CWC22: variants seen among roughly 807,000 people sequenced by gnomAD.
CWC22 encodes pre-mRNA-splicing factor CWC22 homolog.
In CWC22, 53 loss-of-function variants were observed where a neutral mutation model predicts 117.2. That is an observed-to-expected ratio of 0.45 (90% CI 0.36 to 0.57). CWC22 has a LOEUF of 0.57. Among genes scored for constraint, CWC22 ranks in the 20% least tolerant of loss-of-function variants. CWC22 has a pLI of 0.00. For missense variants in CWC22, 980 were observed against 1,068.8 expected (o/e 0.92, Z 1.16); for synonymous variants, 360 against 355.6 (o/e 1.01, Z -0.14).
chr2:179,975,648 T>C (rs1174543710), intron 6 of CWC22, among the ~76,000 whole-genome samples: 3 of 151,884 alleles, frequency 2.0e-5, no homozygotes, highest in African/African-American at 4.8e-5. Context: ...ACTATCTTTC[T>C]GAAAAATCAA....
intron 3 of CWC22, among the ~76,000 whole-genome samples, chr2:179,987,101 G>C (rs1687438121): frequency 6.6e-6 from 1 of 152,108 alleles, no homozygotes; most frequent in Admixed American, 6.5e-5. Context: ...ATCATATATA[G>C]TTAGCATGAA....
intron 6 of CWC22, among the ~76,000 whole-genome samples, chr2:179,974,965 T>C (rs1338006121): frequency 6.6e-6 from 1 of 152,160 alleles, no homozygotes; most frequent in African/African-American, 2.4e-5. Flanking sequence ...CCCAGGCAAC[T>C]CCTGGACTCA....
chr2:179,988,628 T>C lies in CWC22; in HGVS notation c.44A>G (p.Asp15Gly). The C allele has an allele frequency of 6.6e-7, 1 of 1,517,256 alleles. No homozygotes were observed. The highest frequency in any genetic ancestry group is 8.9e-7 in the Non-Finnish European group (1 of 1,124,768). The allele number at this position is 1,517,256 out of a possible 1,614,324, so 94.0% of individuals were successfully genotyped here. Residue 15 changes from aspartate (D) to glycine (G), a missense_variant, in exon 3 of 20, where the codon GAC (aspartate) becomes GGC (glycine). Transcript: ENST00000410053. ...ATATGAATTAAGGTTTTCCCTTCTG[T>C]CATGACCAGAAGAAGGCTTTAAAAG... ...VAQIKPSSGH[D>G]RRENLNSYQR... is the part of the protein sequence containing the mutation.
rs1358170392 is a variant in CWC22 at position 179,973,238 on chromosome 2, G to A, written c.759C>T (p.Cys253=). The A allele has an allele frequency of 1.3e-6, 2 of 1,598,670 alleles. No individual in the cohort carries two copies. The highest frequency in any genetic ancestry group is 1.7e-6 in the Non-Finnish European group (2 of 1,171,512). The change falls in exon 8 of 20, where the codon TGC becomes TGT. Residue 253 remains cysteine (C), a synonymous_variant. Coordinates refer to ENST00000410053, the MANE Select transcript of CWC22 (RefSeq NM_020943.3). ...GCGCCACAAATTTTGAAGCAGTCAG[G>A]CAAAGTTGCTGAAAAATAAAGGTGG... The part of the protein sequence containing the change: ...KGYRRNDKQL[C]LTASKFVAHL...
chr2:180,006,540 T>C (rs919968288), intron 1 of CWC22, among the ~76,000 whole-genome samples: 1 of 152,052 alleles, frequency 6.6e-6, no homozygotes, highest in Non-Finnish European at 1.5e-5. Flanking sequence ...GGCAAATAAA[T>C]GAAAAAGAAG....
intron 11 of CWC22, among the ~76,000 whole-genome samples, 167 bp downstream of exon 11, chr2:179,970,334 C>A (rs1686999286): frequency 6.6e-6 from 1 of 151,928 alleles, no homozygotes; most frequent in South Asian, 2.1e-4. Flanking sequence ...AAACCCTGGG[C>A]AAGCACCAGG....
At chr2:180,000,627 T>G (rs1687823401) in intron 1 of CWC22, among the ~76,000 whole-genome samples, 1 of 152,210 alleles carries the variant, frequency 6.6e-6, no homozygotes, top group Non-Finnish European at 1.5e-5. Context: ...ATGCCAGGTG[T>G]GCTGACTCAT....
intron 14 of CWC22, among the ~76,000 whole-genome samples, chr2:179,956,216 C>A (rs1463461310): frequency 1.3e-5 from 2 of 151,656 alleles, no homozygotes; most frequent in African/African-American, 4.8e-5. Flanking sequence ...GGACTTAGAG[C>A]AAGAGGTAGG....
In CWC22 at chr2:179,952,249, T is replaced by C. The variant is rs933605647; in HGVS notation, c.1817+222A>G. On this transcript the variant is annotated intron_variant, in intron 17 of 19. Coordinates refer to ENST00000410053, the MANE Select transcript of CWC22 (RefSeq NM_020943.3). The stretch of plus-strand genomic sequence containing the variant: ...AACAATTCTGTATTTTCTAAGAAAA[T>C]CTAAAAAGGCATTAATTTGAACTCC... Among the ~76,000 whole-genome samples, 16 of 152,086 alleles carry C rather than the reference T, an allele frequency of 1.1e-4. No individual in the cohort carries two copies. The East Asian group carries it at 3.1e-3, about 29-fold the overall frequency.
chr2:180,003,938 T>C (rs1186460022), intron 1 of CWC22, among the ~76,000 whole-genome samples: 2 of 152,240 alleles, frequency 1.3e-5, no homozygotes, highest in East Asian at 1.9e-4. Context: ...GTTGTAGGTA[T>C]TCAAATGTCT....
chr2:179,992,990 T>A (rs1196625469), intron 2 of CWC22, among the ~76,000 whole-genome samples: 1 of 141,096 alleles, frequency 7.1e-6, no homozygotes, highest in African/African-American at 2.7e-5. Flanking sequence ...CCCTGACGCA[T>A]GCATCCATGT....
At chr2:180,001,172 C>T (rs1687836843) in intron 1 of CWC22, among the ~76,000 whole-genome samples, 1 of 152,062 alleles carries the variant, frequency 6.6e-6, no homozygotes, top group South Asian at 2.1e-4. Context: ...AAGAAAAATT[C>T]TACATGTTGA....
intron 11 of CWC22, among the ~76,000 whole-genome samples, chr2:179,969,523 G>A (rs1480212282): frequency 6.6e-6 from 1 of 152,132 alleles, no homozygotes; most frequent in East Asian, 1.9e-4. Flanking sequence ...TGCTTTCTCT[G>A]TATATGAGAC....
rs1374243133 is a variant in CWC22, at chr2:179,945,580, T to C, written c.2276A>G (p.Glu759Gly). 1 of 1,613,758 alleles carries C rather than the reference T, an allele frequency of 6.2e-7. No individual in the cohort carries two copies. Among genetic ancestry groups the C allele is most frequent in the East Asian group, 2.2e-5 (1 of 44,858 alleles). ...QEHGHQETRT[E>G]RERRSEKHRD... ...GTGTTTTTCTGACCTTCTTTCTCTC[T>C]CAGTCCTTGTTTCCTGGTGCCCGTG... Residue 759 changes from glutamate to glycine, a missense_variant, in exon 20 of 20, where the codon GAG becomes GGG. Glu to Gly is a moderately conservative substitution (Grantham distance 98). Transcript: ENST00000410053.
chr2:179,953,071 A>C (rs1253974954), intron 16 of CWC22, among the ~76,000 whole-genome samples: 2 of 152,154 alleles, frequency 1.3e-5, no homozygotes, highest in Admixed American at 1.3e-4. Context: ...AAATGCCTAA[A>C]GAAATATTTT....
intron 6 of CWC22, among the ~76,000 whole-genome samples, chr2:179,975,811 G>C (rs1054107142): frequency 1.3e-5 from 2 of 152,140 alleles, no homozygotes; most frequent in Non-Finnish European, 2.9e-5. Flanking sequence ...GAAATAATAT[G>C]TTAAAATGTC....
At chr2:179,993,574 A>G (rs1421094978) in intron 1 of CWC22, 120 bp from the exon 2 acceptor site, 3 of 474,622 alleles carry the variant, frequency 6.3e-6, no homozygotes, top group Non-Finnish European at 1.1e-5. Flanking sequence ...AAACAAATAT[A>G]ATAAAAATTG....
intron 16 of CWC22, 140 bp from the exon 17 acceptor site, chr2:179,952,738 C>T (rs1374473231): frequency 2.2e-6 from 1 of 459,568 alleles, no homozygotes; most frequent in Non-Finnish European, 3.8e-6. Context: ...TGAATATCTC[C>T]CCTTATGCTG....
intron 12 of CWC22, 114 bp downstream of exon 12, chr2:179,965,764 C>T (rs1686873253): frequency 4.6e-6 from 4 of 876,446 alleles, no homozygotes; most frequent in Non-Finnish European, 5.0e-6. Flanking sequence ...TCCTAGACGC[C>T]ATCAGCAGCT....
Sources: gnomAD v4.1 joint callset for allele counts (sites outside exome capture counted in the v4.1 genomes callset) on GRCh38, gnomAD v4.1.1 for gene constraint, MANE v1.5 for transcripts, NCBI Gene and HGNC (gene_info 2026-07-23, HGNC 2026-07-21) for gene names.